Variants in BTN3A1 observed in about 807,000 individuals in gnomAD.
BTN3A1 encodes dJ45P21.3 (butyrophilin, subfamily 3, member A1).
In BTN3A1, 24 loss-of-function variants were observed where a neutral mutation model predicts 43.0. The ratio of observed to expected loss-of-function variants is 0.56; its 90% CI spans 0.40 to 0.78. The LOEUF (loss-of-function observed/expected upper bound fraction) is 0.78, where lower values mean the gene tolerates loss of function less well. Among genes scored for constraint, BTN3A1 ranks in the 30% least tolerant of loss-of-function variants. The pLI is 0.00. For missense variants in BTN3A1, 533 were observed against 626.2 expected, an observed-to-expected ratio of 0.85 and a Z score of 1.59; for synonymous variants, 181 against 234.7, an observed-to-expected ratio of 0.77 and a Z score of 2.09.
In BTN3A1 at chr6:26,407,855, A is replaced by G. The variant is rs542657364; in HGVS notation, c.618A>G (p.Ala206=). ...GAGTGGGCCTGTATGCAGTAGCAGC[A>G]TCTGTGATCATGAGAGGCAGCTCTG... ...ADGVGLYAVA[A]SVIMRGSSGE... Residue 206 remains alanine, a synonymous_variant, in exon 4 of 10, where the codon GCA becomes GCG. Transcript: ENST00000289361. 3.1e-6 allele frequency: 5 copies of G among 1,614,232 alleles called. No individual in the cohort carries two copies. The African/African-American group carries it at 5.3e-5, about 17-fold the overall frequency.
At chr6:26,408,551 C>T (rs1762098668) in intron 4 of BTN3A1, among the ~76,000 whole-genome samples, 1 of 152,222 alleles carries the variant, frequency 6.6e-6, no homozygotes, top group Admixed American at 6.5e-5. Context: ...TGTGCATTAG[C>T]ACAACCTCTG....
intron 1 of BTN3A1, among the ~76,000 whole-genome samples, chr6:26,404,917 C>T (rs1315067068): frequency 3.3e-5 from 5 of 152,202 alleles, no homozygotes. Flanking sequence ...TATCATGGGC[C>T]TGGCCCCTTG....
intron 9 of BTN3A1, chr6:26,412,400 A>G (rs926008084): frequency 1.5e-5 from 13 of 872,800 alleles, no homozygotes; most frequent in Non-Finnish European, 1.9e-5. Context: ...TCTCCTTCCA[A>G]TCTCCTATCA....
intron 1 of BTN3A1, among the ~76,000 whole-genome samples, chr6:26,403,933 A>C (rs999944066): frequency 6.6e-6 from 1 of 152,208 alleles, no homozygotes; most frequent in African/African-American, 2.4e-5. Flanking sequence ...CAGCAGAGAA[A>C]TTGTTAACTC....
Position 26,409,708 on chromosome 6 carries a change from A to G in BTN3A1, c.891A>G (p.Thr297=). The G allele has an allele frequency of 6.3e-7, 1 of 1,578,492 alleles. No homozygotes were observed. The highest frequency in any genetic ancestry group is 8.6e-7 in the Non-Finnish European group (1 of 1,165,964). The part of the protein sequence containing the change: ...EQELREMAWS[T]MKQEQSTRVK... ...AGTTGAGAGAAATGGCATGGAGCAC[A>G]ATGAAGCAAGAACAAAGCACAAGAG... The change falls in exon 5 of 10, where the codon ACA becomes ACG. Residue 297 remains threonine (T), a synonymous_variant. Transcript: ENST00000289361.
At chr6:26,404,025 C>T (rs1256057780) in intron 1 of BTN3A1, 1 of 152,148 alleles carries the variant, frequency 6.6e-6, no homozygotes, top group Non-Finnish European at 1.5e-5. Context: ...TGGTGAAATG[C>T]ATTGTTTACT....
chr6:26,412,965 C>T, intron 9 of BTN3A1: 1 of 1,457,472 alleles, frequency 6.9e-7, no homozygotes, highest in Non-Finnish European at 9.0e-7. Flanking sequence ...CTCATTTCAC[C>T]CTCCTCTTCC....
intron 1 of BTN3A1, among the ~76,000 whole-genome samples, chr6:26,402,691 C>A (rs184463625): frequency 7.9e-4 from 120 of 152,314 alleles, no homozygotes; most frequent in African/African-American, 2.7e-3. Flanking sequence ...TCTTTAAAAT[C>A]TGTTCTGGAC....
intron 1 of BTN3A1, chr6:26,404,240 T>C (rs906013585): frequency 2.6e-5 from 4 of 152,258 alleles, no homozygotes; most frequent in African/African-American, 9.6e-5. Context: ...TAGTATTTAC[T>C]GAGCAGCTAA....
intron 9 of BTN3A1, 47 bp downstream of exon 9, chr6:26,411,628 ATATT>A: frequency 6.3e-7 from 1 of 1,587,536 alleles, no homozygotes. Context: ...CTGAGGGACT[ATATT>A]CCTTTTTCCT....
At chr6:26,410,753 A>ATG (rs1327144528) in intron 7 of BTN3A1, among the ~76,000 whole-genome samples, 1 of 150,212 alleles carries the variant, frequency 6.7e-6, no homozygotes, top group Non-Finnish European at 1.5e-5. Flanking sequence ...ATACATATAT[A>ATG]CACATATATA....
chr6:26,410,403 G>A (rs959711807), intron 7 of BTN3A1, among the ~76,000 whole-genome samples: 1 of 152,104 alleles, frequency 6.6e-6, no homozygotes, highest in Non-Finnish European at 1.5e-5. Flanking sequence ...GTAAAGGAAG[G>A]GGGAAGAGGT....
In BTN3A1 at chr6:26,407,919, G is replaced by T. The variant is rs754276670; in HGVS notation, c.682G>T (p.Gly228Cys). Residue 228 changes from glycine to cysteine, a missense_variant, in exon 4 of 10, where the codon GGC becomes TGC. By Grantham distance (159) the Gly-to-Cys change is radical. This residue lies in a region of BTN3A1 where 415 missense variants were observed against 427.0 expected (regional missense o/e 0.97). Coordinates refer to ENST00000289361, the MANE Select transcript of BTN3A1 (RefSeq NM_007048.6). ...CTGTACCATCAGAAGTTCCCTCCTC[G>T]GCCTGGAAAAGACAGCCAGCATTTC... ...VSCTIRSSLL[G>C]LEKTASISIA... 1 of 1,614,160 alleles carries T rather than the reference G, an allele frequency of 6.2e-7. No homozygotes were observed. Among genetic ancestry groups the T allele is most frequent in the Non-Finnish European group, 8.5e-7 (1 of 1,180,016 alleles).
At position 26,413,879 on chromosome 6, in the gene BTN3A1, C is replaced by T. The variant is rs949747317; in HGVS notation, c.*187C>T. 7.4e-6 allele frequency: 8 copies of T among 1,087,774 alleles called. No individual in the cohort carries two copies. The highest frequency in any genetic ancestry group is 1.1e-5 in the Non-Finnish European group (8 of 750,664). The allele number at this position is 1,087,774 out of a possible 1,614,324, so 67.4% of individuals were successfully genotyped here. ...GCAACCAATCACAACCATAAAGCTA[C>T]AAGCACGCACTGAAGCACTTTACTG... On this transcript the variant is annotated 3_prime_UTR_variant, in exon 10 of 10. Coordinates refer to ENST00000289361, the MANE Select transcript of BTN3A1 (RefSeq NM_007048.6).
At position 26,413,515 on chromosome 6, in the gene BTN3A1, G is replaced by GA; in HGVS notation, c.1365_1366insA (p.Pro456ThrfsTer3). The stretch of plus-strand genomic sequence containing the variant: ...CCAGAACCAACCTGAAACTTCCTAA[G>GA]CCCCCTAAGAAAGTGGGGGTCTTCC... On this transcript the variant is annotated frameshift_variant, in exon 10 of 10. Transcript: ENST00000289361. LOFTEE classifies it low-confidence loss of function (END_TRUNC). 6.2e-7 allele frequency: 1 copy of GA among 1,614,116 alleles called. No homozygotes were observed. The highest frequency in any genetic ancestry group is 8.5e-7 in the Non-Finnish European group (1 of 1,180,026).
chr6:26,407,029 G>C (rs955593024), intron 3 of BTN3A1, among the ~76,000 whole-genome samples: 12 of 152,160 alleles, frequency 7.9e-5, no homozygotes, highest in Non-Finnish European at 1.6e-4. Flanking sequence ...GCTGTGGTTT[G>C]GACAATGTTC....
chr6:26,403,170 A>G (rs1761907064), intron 1 of BTN3A1, among the ~76,000 whole-genome samples: 1 of 152,062 alleles, frequency 6.6e-6, no homozygotes, highest in Non-Finnish European at 1.5e-5. Flanking sequence ...GGTTCCAGTG[A>G]TTCTCCTGCC....
At chr6:26,407,566 A>G (rs1762060339) in intron 3 of BTN3A1, 105 bp from the exon 4 acceptor site, 2 of 1,383,526 alleles carry the variant, frequency 1.4e-6, no homozygotes, top group Admixed American at 4.3e-5. Context: ...CAGCTCTAAA[A>G]TGAAATTGTT....
rs1406180912 is a variant in BTN3A1, at chr6:26,413,889, C to T, written c.*197C>T. The T allele has an allele frequency of 3.1e-6, 3 of 967,142 alleles. No individual in the cohort carries two copies. The African/African-American group carries it at 4.9e-5, about 16-fold the overall frequency. 59.9% of individuals were successfully genotyped at this position (967,142 alleles called of 1,614,324 possible). A position where few individuals can be genotyped will look rare whatever the true frequency, so the allele number is the denominator to read the frequency against. On this transcript the variant is annotated 3_prime_UTR_variant, in exon 10 of 10. Transcript: ENST00000289361. ...ACAACCATAAAGCTACAAGCACGCA[C>T]TGAAGCACTTTACTGATACTCATTC...
Sources: gnomAD v4.1 joint callset for allele counts (sites outside exome capture counted in the v4.1 genomes callset) on GRCh38, gnomAD v4.1.1 for gene constraint, gnomAD v4.1.1 regional missense constraint, MANE v1.5 for transcripts, NCBI Gene and HGNC (gene_info 2026-07-23, HGNC 2026-07-21) for gene names.